CNTN5: variants seen among roughly 807,000 people sequenced by gnomAD.
CNTN5 encodes contactin 5.
Under a neutral mutation model 129.1 loss-of-function variants are expected in CNTN5, and 77 were observed. The observed-to-expected ratio is 0.60, with a 90% CI of 0.50 to 0.72. The LOEUF (loss-of-function observed/expected upper bound fraction) is 0.72, where lower values mean the gene tolerates loss of function less well. Ranked by LOEUF, CNTN5 falls within the 30% of genes least tolerant of loss-of-function variation. The probability of loss-of-function intolerance (pLI) is 0.00; values close to 1 mark genes in which losing one functional copy is unlikely to be tolerated. For synonymous variants in CNTN5, 509 were observed against 465.6 expected, an observed-to-expected ratio of 1.09 and a Z score of -1.20; for missense variants, 1,478 against 1,328.8, an observed-to-expected ratio of 1.11 and a Z score of -1.75.
intron 13 of CNTN5, among the ~76,000 whole-genome samples, chr11:100,137,229 A>G (rs899118926): frequency 6.6e-6 from 1 of 152,078 alleles, no homozygotes; most frequent in African/African-American, 2.4e-5. Flanking sequence ...TAAAATGTAA[A>G]TATCAATTTT....
Position 99,268,050 on chromosome 11 carries a change from G to T in CNTN5, c.-209-57296G>T, listed in dbSNP as rs564166061. On this transcript the variant is annotated intron_variant, in intron 1 of 24. Transcript: ENST00000524871. ...GGTATTTCTTATTTAGTTAAGGTAT[G>T]TGGCAGTCCTCATTTTAAATCATCA... is the stretch of plus-strand genomic sequence containing the variant. Among the ~76,000 whole-genome samples the T allele has an allele frequency of 2.8e-4, 35 of 124,610 alleles. No homozygotes were observed. The South Asian group carries it at 9.6e-3, about 34-fold the overall frequency. 81.7% of individuals were successfully genotyped at this position (124,610 alleles called of 152,430 possible). A position where few individuals can be genotyped will look rare whatever the true frequency, so the allele number is the denominator to read the frequency against.
intron 3 of CNTN5, among the ~76,000 whole-genome samples, chr11:99,713,731 T>C (rs1041225951): frequency 3.9e-5 from 6 of 151,972 alleles, no homozygotes; most frequent in Non-Finnish European, 7.4e-5. Context: ...ACTTGCACTT[T>C]TAAGTTTGAA....
chr11:99,172,851 T>C (rs375532767), intron 1 of CNTN5, among the ~76,000 whole-genome samples: 40 of 152,308 alleles, frequency 2.6e-4, no homozygotes, highest in African/African-American at 9.6e-4. Context: ...ATTTCCAAAA[T>C]AGTAACTTAT....
intron 1 of CNTN5, among the ~76,000 whole-genome samples, chr11:99,224,740 C>T (rs1048139892): frequency 1.4e-5 from 2 of 144,898 alleles, no homozygotes; most frequent in Admixed American, 1.4e-4. Context: ...TGGGTGCAAC[C>T]TCCACCTCCC....
At chr11:100,343,518 TCCTCAGAAC>T (rs1020203217) in intron 23 of CNTN5, among the ~76,000 whole-genome samples, 11 of 152,128 alleles carry the variant, frequency 7.2e-5, no homozygotes, top group Admixed American at 1.3e-4. Context: ...GTTTGGATTC[TCCTCAGAAC>T]GCGGGTTTTC....
intron 8 of CNTN5, among the ~76,000 whole-genome samples, chr11:100,000,019 A>AG (rs1939756250): frequency 7.7e-6 from 1 of 129,244 alleles, no homozygotes; most frequent in South Asian, 2.7e-4. Context: ...GGGTGTGGGG[A>AG]GCGGGGAGGG....
At chr11:99,446,262 C>T (rs1339511374) in intron 2 of CNTN5, among the ~76,000 whole-genome samples, 4 of 151,976 alleles carry the variant, frequency 2.6e-5, no homozygotes, top group Non-Finnish European at 5.9e-5. Flanking sequence ...ATTTTTGAAG[C>T]CTTGGTGCAC....
At chr11:100,291,793 T>TAAA (rs1468920126) in intron 18 of CNTN5, among the ~76,000 whole-genome samples, 20 of 141,194 alleles carry the variant, frequency 1.4e-4, no homozygotes, top group African/African-American at 4.8e-4. Flanking sequence ...AAATAAAAAA[T>TAAA]ATAAATAAAT....
chr11:99,554,489 A>G (rs779007050), intron 2 of CNTN5, among the ~76,000 whole-genome samples: 1 of 152,234 alleles, frequency 6.6e-6, no homozygotes, highest in Middle Eastern at 3.4e-3. Flanking sequence ...TGACAGTCCC[A>G]GAAACAGCCC....
chr11:99,688,023 T>A (rs1015944015), intron 3 of CNTN5, among the ~76,000 whole-genome samples: 1 of 152,178 alleles, frequency 6.6e-6, no homozygotes, highest in Non-Finnish European at 1.5e-5. Flanking sequence ...TAAGATGGAT[T>A]TAAGTAATAT....
At chr11:99,628,757 G>A (rs1390752992) in intron 3 of CNTN5, among the ~76,000 whole-genome samples, 1 of 151,806 alleles carries the variant, frequency 6.6e-6, no homozygotes, top group Non-Finnish European at 1.5e-5. Flanking sequence ...AAATAAACTG[G>A]CATCAATTAC....
intron 1 of CNTN5, among the ~76,000 whole-genome samples, chr11:99,030,340 T>G (rs904918185): frequency 1.3e-5 from 2 of 152,200 alleles, no homozygotes; most frequent in African/African-American, 4.8e-5. Context: ...TAAATATATG[T>G]GGATACAATG....
intron 3 of CNTN5, among the ~76,000 whole-genome samples, chr11:99,758,620 T>C (rs1016020307): frequency 6.6e-6 from 1 of 152,150 alleles, no homozygotes; most frequent in South Asian, 2.1e-4. Context: ...GAGAGTGTTG[T>C]GTAACACAGA....
chr11:99,606,695 C>G (rs1274451525), intron 3 of CNTN5, among the ~76,000 whole-genome samples: 2 of 140,026 alleles, frequency 1.4e-5, no homozygotes, highest in Non-Finnish European at 3.2e-5. Context: ...TGACTTCAAA[C>G]TATACTACAA....
At chr11:99,802,853 A>T (rs1271548181) in intron 3 of CNTN5, among the ~76,000 whole-genome samples, 1 of 152,068 alleles carries the variant, frequency 6.6e-6, no homozygotes, top group Non-Finnish European at 1.5e-5. Flanking sequence ...ATATGCCTGA[A>T]TGTGGAGTGG....
intron 8 of CNTN5, among the ~76,000 whole-genome samples, chr11:99,998,736 C>T (rs1416549014): frequency 8.3e-5 from 12 of 145,422 alleles, no homozygotes; most frequent in South Asian, 4.6e-4. Flanking sequence ...GGAGGCATCA[C>T]GCTACCTGAC....
chr11:99,372,865 A>C (rs1310496143), intron 2 of CNTN5, among the ~76,000 whole-genome samples: 1 of 152,222 alleles, frequency 6.6e-6, no homozygotes, highest in African/African-American at 2.4e-5. Context: ...TAAAAGGGAA[A>C]TCAATGTCCA....
At chr11:100,256,024 T>G in intron 17 of CNTN5, 106 bp downstream of exon 17, 3 of 987,980 alleles carry the variant, frequency 3.0e-6, no homozygotes, top group African/African-American at 1.6e-5. Context: ...CTGAAATCTC[T>G]TTGTTATTTC....
intron 3 of CNTN5, among the ~76,000 whole-genome samples, chr11:99,712,050 T>C (rs955051165): frequency 2.0e-5 from 3 of 152,122 alleles, no homozygotes; most frequent in Non-Finnish European, 4.4e-5. Context: ...TCTTAAGGAA[T>C]CACCACACTG....
Sources: allele counts gnomAD v4.1 joint callset (sites outside exome capture counted in the v4.1 genomes callset), GRCh38; gene constraint gnomAD v4.1.1; transcripts MANE v1.5; gene names NCBI Gene and HGNC (gene_info 2026-07-23, HGNC 2026-07-21).